The following RTRAF variants were observed in gnomAD, a reference collection of about 807,000 sequenced individuals.
RTRAF encodes the protein RNA transcription, translation and transport factor, also known as tRNA-splicing ligase complex subunit RTRAF.
RTRAF carries 14 observed loss-of-function variants against 34.4 expected under a neutral mutation model. That is an observed-to-expected ratio of 0.41 (90% CI 0.27 to 0.64). RTRAF has a LOEUF of 0.64. Ranked by LOEUF, RTRAF falls within the 30% of genes least tolerant of loss-of-function variation. The pLI is 0.34. For missense variants in RTRAF, 291 were observed against 288.4 expected (o/e 1.01, Z -0.06); for synonymous variants, 96 against 95.3 (o/e 1.01, Z -0.04).
At chr14:52,000,020 A>G (rs186250589) in intron 5 of RTRAF, 10 of 443,450 alleles carry the variant, frequency 2.3e-5, no homozygotes, top group African/African-American at 7.9e-5. Flanking sequence ...AATCCTGCCA[A>G]CAATCCTAGA....
At chr14:51,989,850 C>T in intron 1 of RTRAF, 150 bp downstream of exon 1, 1 of 695,256 alleles carries the variant, frequency 1.4e-6, no homozygotes, top group Admixed American at 3.1e-5. Context: ...TCGCCACGTA[C>T]CTCGGCTCTT....
intron 5 of RTRAF, 144 bp from the exon 6 acceptor site, chr14:52,001,653 TA>T: frequency 1.6e-6 from 1 of 640,596 alleles, no homozygotes. Context: ...GGGTTTTTTT[TA>T]TTTTTAATTT....
chr14:52,006,571 A>G lies in RTRAF; in HGVS notation c.*2055A>G. On this transcript the variant is annotated 3_prime_UTR_variant, in exon 8 of 8. Transcript: ENST00000261700. ...TCTGTGTGGTAGAAGTGATCTGCATAGCTTACGATGCTGAAGGGGTACTTG... is the reference window on the plus strand; with the variant it reads ...TCTGTGTGGTAGAAGTGATCTGCATGGCTTACGATGCTGAAGGGGTACTTG... The G allele has an allele frequency of 6.2e-7, 1 of 1,613,856 alleles. No homozygotes were observed. The highest frequency in any genetic ancestry group is 1.3e-5 in the African/African-American group (1 of 75,034).
chr14:52,002,472 G>A (rs901187860), intron 6 of RTRAF, among the ~76,000 whole-genome samples: 1 of 152,134 alleles, frequency 6.6e-6, no homozygotes, highest in African/African-American at 2.4e-5. Context: ...AAGGGACAGG[G>A]GGTTCTGTTG....
At chr14:51,991,173 A>G (rs1297038832) in intron 1 of RTRAF, 144 bp from the exon 2 acceptor site, 4 of 777,874 alleles carry the variant, frequency 5.1e-6, no homozygotes, top group East Asian at 2.8e-5. Flanking sequence ...CAGAATCTGT[A>G]CTTTCAACTC....
Position 52,005,948 on chromosome 14 carries a change from G to T in RTRAF, c.*1432G>T. Reference sequence around the variant, plus strand: ...TCAGTTGCAATAGAGGAAAATTTCTGGCAGCCTTCTCTGTCCCAGGGCTGG... The same window carrying T: ...TCAGTTGCAATAGAGGAAAATTTCTTGCAGCCTTCTCTGTCCCAGGGCTGG... On this transcript the variant is annotated 3_prime_UTR_variant, in exon 8 of 8. Transcript: ENST00000261700. The T allele has an allele frequency of 1.2e-6, 1 of 839,532 alleles. No homozygotes were observed. Among genetic ancestry groups the T allele is most frequent in the Non-Finnish European group, 2.0e-6 (1 of 501,652 alleles). 52.0% of individuals were successfully genotyped at this position (839,532 alleles called of 1,614,324 possible).
chr14:51,989,960 C>G (rs550786947), intron 1 of RTRAF, among the ~76,000 whole-genome samples: 2 of 152,354 alleles, frequency 1.3e-5, no homozygotes, highest in South Asian at 4.1e-4. Flanking sequence ...ACTACCTTCT[C>G]TGTACATAAA....
chr14:51,997,760 T>C (rs1286883190), intron 3 of RTRAF, among the ~76,000 whole-genome samples: 9 of 143,936 alleles, frequency 6.3e-5, no homozygotes, highest in African/African-American at 2.1e-4. Context: ...GGATTTTATG[T>C]ACAGCATTCA....
chr14:52,001,959 C>G, intron 6 of RTRAF, 93 bp downstream of exon 6: 1 of 1,076,932 alleles, frequency 9.3e-7, no homozygotes, highest in Non-Finnish European at 1.3e-6. Flanking sequence ...TTTAAGATAT[C>G]CATTCTACGT....
At position 52,004,279 on chromosome 14, in the gene RTRAF, A is replaced by G. The variant is rs781160076; in HGVS notation, c.580+37A>G. The G allele has an allele frequency of 7.4e-5, 118 of 1,597,958 alleles. 1 individual carries two copies. The highest frequency in any genetic ancestry group is 6.6e-4 in the Middle Eastern group (4 of 6,060). On this transcript the variant is annotated intron_variant, in intron 7 of 7. Coordinates refer to ENST00000261700, the MANE Select transcript of RTRAF (RefSeq NM_016039.3). The stretch of plus-strand genomic sequence containing the variant: ...TGTTTAAATTCAAACTATTTTTTTT[A>G]CAGACTGAATACTTGGGAGGAAATA...
intron 3 of RTRAF, 113 bp from the exon 4 acceptor site, chr14:51,998,381 G>T: frequency 1.7e-6 from 1 of 583,172 alleles, no homozygotes; most frequent in Non-Finnish European, 3.0e-6. Flanking sequence ...GGCATTTCCA[G>T]TAAGGGAAAC....
At chr14:52,003,353 CGTACCCATTG>C (rs1890638240) in intron 6 of RTRAF, among the ~76,000 whole-genome samples, 2 of 152,106 alleles carry the variant, frequency 1.3e-5, no homozygotes, top group Admixed American at 1.3e-4. Context: ...CTTGTGCTTT[CGTACCCATTG>C]GTTTCTTCAG....
chr14:51,990,027 T>G lies in RTRAF; in HGVS notation c.61+327T>G, dbSNP rs114902512. Among the ~76,000 whole-genome samples, 857 of 152,352 alleles carry G rather than the reference T, an allele frequency of 5.6e-3. 6 individuals carry two copies. Among genetic ancestry groups the G allele is most frequent in the African/African-American group, 0.02 (816 of 41,574 alleles). ...TCAACTCCATGGTTCCCTGGGTAAT[T>G]AGGCGATACCTTGAGCACCTGCTAA... On this transcript the variant is annotated intron_variant, in intron 1 of 7. Transcript: ENST00000261700.
Position 52,006,694 on chromosome 14 carries a change from A to C in RTRAF, c.*2178A>C. 2 of 1,610,848 alleles carry C rather than the reference A, an allele frequency of 1.2e-6. No individual in the cohort carries two copies. The highest frequency in any genetic ancestry group is 1.7e-6 in the Non-Finnish European group (2 of 1,177,802). ...ACAAAGGGGGAAAATGAGGTCCTTC[A>C]GCTGCTTTGCCAAAAATGATAGTGA... On this transcript the variant is annotated 3_prime_UTR_variant, in exon 8 of 8. Coordinates refer to ENST00000261700, the MANE Select transcript of RTRAF (RefSeq NM_016039.3).
Position 52,007,643 on chromosome 14 carries a change from T to TC in RTRAF, c.*3128dup. The TC allele has an allele frequency of 1.5e-6, 1 of 670,578 alleles. No individual in the cohort carries two copies. The highest frequency in any genetic ancestry group is 2.6e-6 in the Non-Finnish European group (1 of 389,858). 41.5% of individuals were successfully genotyped at this position (670,578 alleles called of 1,614,324 possible). On this transcript the variant is annotated 3_prime_UTR_variant, in exon 8 of 8. Coordinates refer to ENST00000261700, the MANE Select transcript of RTRAF (RefSeq NM_016039.3). ...TCCCTCCACCCAAACCCCAGAAAGT[T>TC]CATTTTAAGACTCATTTACTAGTAC...
chr14:52,005,108 T>C lies in RTRAF; in HGVS notation c.*592T>C, dbSNP rs1221008228. ...ATTATATTGTTATATTGATCACATG[T>C]GCTTTAATTTCTTGGCCAGAAGGAA... On this transcript the variant is annotated 3_prime_UTR_variant, in exon 8 of 8. Transcript: ENST00000261700. 1.1e-5 allele frequency: 2 copies of C among 177,482 alleles called. No homozygotes were observed. Among genetic ancestry groups the C allele is most frequent in the African/African-American group, 4.7e-5 (2 of 42,294 alleles). 11.0% of individuals were successfully genotyped at this position (177,482 alleles called of 1,614,324 possible).
At chr14:51,993,591 T>G (rs1411633775) in intron 2 of RTRAF, 132 bp from the exon 3 acceptor site, 1 of 604,582 alleles carries the variant, frequency 1.7e-6, no homozygotes, top group Non-Finnish European at 2.9e-6. Flanking sequence ...TATAATTGCA[T>G]CAAAAGTGTA....
chr14:52,006,921 CAT>C lies in RTRAF; in HGVS notation c.*2407_*2408del. 3.7e-6 allele frequency: 1 copy of C among 270,802 alleles called. No homozygotes were observed. Among genetic ancestry groups the C allele is most frequent in the Middle Eastern group, 1.2e-3 (1 of 812 alleles). 16.8% of individuals were successfully genotyped at this position (270,802 alleles called of 1,614,324 possible). A position where few individuals can be genotyped will look rare whatever the true frequency, so the allele number is the denominator to read the frequency against. ...GTTTCTGCCAAAGTAGGGCATTAAACATAATTATTTTTATAATTTGTGTGATT... is the reference window on the plus strand; with the variant it reads ...GTTTCTGCCAAAGTAGGGCATTAAACAATTATTTTTATAATTTGTGTGATT... On this transcript the variant is annotated 3_prime_UTR_variant, in exon 8 of 8. Transcript: ENST00000261700.
At chr14:51,997,731 T>TG (rs35128483) in intron 3 of RTRAF, among the ~76,000 whole-genome samples, 4 of 151,710 alleles carry the variant, frequency 2.6e-5, no homozygotes, top group Admixed American at 2.0e-4. Context: ...TTGATTTTTT[T>TG]GGGGAAAGCA....
Sources: allele counts gnomAD v4.1 joint callset (sites outside exome capture counted in the v4.1 genomes callset), GRCh38; gene constraint gnomAD v4.1.1; transcripts MANE v1.5; gene names NCBI Gene and HGNC (gene_info 2026-07-23, HGNC 2026-07-21).